DHX8: variants seen among roughly 807,000 people sequenced by gnomAD.
DHX8 encodes the protein DEAH-box helicase 8.
DHX8 carries 67 observed loss-of-function variants against 140.7 expected under a neutral mutation model. That is an observed-to-expected ratio of 0.48 (90% CI 0.39 to 0.58). The LOEUF is 0.58. Ranked by LOEUF, DHX8 falls within the 20% of genes least tolerant of loss-of-function variation. The pLI, the probability that DHX8 is intolerant of heterozygous loss-of-function variation, is 0.00. For synonymous variants in DHX8, 533 were observed against 553.2 expected (o/e 0.96, Z 0.51); for missense variants, 887 against 1,550.7 (o/e 0.57, Z 7.19).
intron 16 of DHX8, among the ~76,000 whole-genome samples, chr17:43,509,154 T>C (rs1023175859): frequency 3.3e-5 from 5 of 152,190 alleles, no homozygotes; most frequent in African/African-American, 9.7e-5. Flanking sequence ...CAGCATTTAG[T>C]GTGAAAATGC....
intron 17 of DHX8, among the ~76,000 whole-genome samples, chr17:43,514,623 T>A (rs918632875): frequency 2.6e-5 from 4 of 152,220 alleles, no homozygotes; most frequent in Non-Finnish European, 5.9e-5. Flanking sequence ...AACTTAAATG[T>A]TCATCTCTTT....
rs766538990 is a variant in DHX8, at chr17:43,508,466, TC to T, written c.2451del (p.Ser818ValfsTer19). The T allele has an allele frequency of 1.4e-5, 23 of 1,613,738 alleles. No individual in the cohort carries two copies. The highest frequency in any genetic ancestry group is 1.9e-5 in the Non-Finnish European group (23 of 1,179,836). On this transcript the variant is annotated frameshift_variant, in exon 16 of 23. Coordinates refer to ENST00000262415, the MANE Select transcript of DHX8 (RefSeq NM_004941.3). LOFTEE classifies it high-confidence loss of function. ...LIILPVYSALPSEMQTRIFDP... is the reference protein window; with the variant it reads ...LIILPVYSALXSEMQTRIFDP... Reference sequence around the variant, plus strand: ...TTATCCTCCCAGTGTACTCTGCTCTTCCCAGTGAGATGCAGACCCGAATCTT... The same window carrying T: ...TTATCCTCCCAGTGTACTCTGCTCTTCCAGTGAGATGCAGACCCGAATCTT...
chr17:43,529,572 G>A (rs1009668412), downstream of DHX8: 5 of 1,613,930 alleles, frequency 3.1e-6, no homozygotes, highest in African/African-American at 5.3e-5. Flanking sequence ...GCATTTGTTG[G>A]GTCATCCAGC....
At chr17:43,528,753 G>T, downstream of DHX8, 1 of 1,612,282 alleles carries the variant, frequency 6.2e-7, no homozygotes, top group South Asian at 1.1e-5. Context: ...CCTATGGGGA[G>T]AGAGAAGGTC....
chr17:43,529,659 C>A (rs995734282), downstream of DHX8: 1 of 1,612,668 alleles, frequency 6.2e-7, no homozygotes, highest in African/African-American at 1.3e-5. Context: ...GCACCGACCC[C>A]TTCCTGCTTG....
rs1334963814 is a variant in DHX8, at chr17:43,498,140, G to GT, written c.1301-706dup. Among the ~76,000 whole-genome samples the GT allele has an allele frequency of 9.8e-3, 1,391 of 142,630 alleles. 15 individuals carry two copies. Among genetic ancestry groups the GT allele is most frequent in the African/African-American group, 0.026 (1,024 of 38,808 alleles). The allele number at this position is 142,630 out of a possible 152,430, so 93.6% of individuals were successfully genotyped here. ...TTGCTGTCCTTTGACCTGGGAAGGT[G>GT]TTTTTTTTTTTTTTTTAATTTGAGA... On this transcript the variant is annotated intron_variant, in intron 9 of 22. Transcript: ENST00000262415.
Position 43,524,046 on chromosome 17 carries a change from T to C in DHX8, c.*199T>C, listed in dbSNP as rs369651005. The C allele has an allele frequency of 8.5e-6, 12 of 1,419,252 alleles. No individual in the cohort carries two copies. The African/African-American group carries it at 1.6e-4, about 19-fold the overall frequency. 87.9% of individuals were successfully genotyped at this position (1,419,252 alleles called of 1,614,324 possible). Reference sequence around the variant, plus strand: ...CTGGCTTTGGCAAGAGCCTGCAGCCTCCATCACCCCAAGTCCTTGGGCCCA... The same window carrying C: ...CTGGCTTTGGCAAGAGCCTGCAGCCCCCATCACCCCAAGTCCTTGGGCCCA... On this transcript the variant is annotated 3_prime_UTR_variant, in exon 23 of 23. Coordinates refer to ENST00000262415, the MANE Select transcript of DHX8 (RefSeq NM_004941.3).
intron 16 of DHX8, among the ~76,000 whole-genome samples, chr17:43,509,859 G>A (rs1969718788): frequency 6.6e-6 from 1 of 151,890 alleles, no homozygotes; most frequent in South Asian, 2.1e-4. Flanking sequence ...AGTAGAGATG[G>A]GGTTTCCCCA....
chr17:43,502,946 G>A (rs528140463), intron 11 of DHX8, among the ~76,000 whole-genome samples: 1 of 152,192 alleles, frequency 6.6e-6, no homozygotes, highest in Admixed American at 6.5e-5. Flanking sequence ...GTAGGCATAA[G>A]TATTTTTTCG....
intron 8 of DHX8, among the ~76,000 whole-genome samples, chr17:43,494,352 G>C (rs1057190109): frequency 1.3e-5 from 2 of 152,148 alleles, no homozygotes; most frequent in South Asian, 2.1e-4. Context: ...GTAATCCTTA[G>C]CTAAGCTACT....
At chr17:43,529,362 G>A (rs1970764202), downstream of DHX8, 3 of 1,391,024 alleles carry the variant, frequency 2.2e-6, no homozygotes, top group African/African-American at 1.4e-5. Context: ...CAAAGCATCA[G>A]CCCACAGACT....
At position 43,525,115 on chromosome 17, in the gene DHX8, C is replaced by A; in HGVS notation, c.*1268C>A. The A allele has an allele frequency of 6.1e-6, 6 of 985,368 alleles. No individual in the cohort carries two copies. The highest frequency in any genetic ancestry group is 7.2e-6 in the Non-Finnish European group (6 of 829,938). 61.0% of individuals were successfully genotyped at this position (985,368 alleles called of 1,614,324 possible). On this transcript the variant is annotated 3_prime_UTR_variant, in exon 23 of 23. Transcript: ENST00000262415. ...TGCACTGAGGAGGCTCCTTACCTGG[C>A]GGAACATCAGGCAGGTCTTGCCAGG...
chr17:43,489,498 T>G lies in DHX8; in HGVS notation c.198T>G (p.Phe66Leu). The G allele has an allele frequency of 1.2e-6, 2 of 1,613,386 alleles. No homozygotes were observed. The highest frequency in any genetic ancestry group is 1.7e-6 in the Non-Finnish European group (2 of 1,179,358). ...AGAAAAATACCACCTTTGATACTTT[T>G]AAGGCTTCTCTCGTCAAAAATGGTG... ...LAEKNTTFDT[F>L]KASLVKNGAE... The change falls in exon 2 of 23, where the codon TTT (phenylalanine) becomes TTG (leucine). Residue 66 changes from phenylalanine to leucine, a missense_variant. Around this residue, in one of 9 missense-constraint regions of DHX8, gnomAD observed 304 missense variants for 306.9 expected, o/e 0.99. Transcript: ENST00000262415.
intron 11 of DHX8, among the ~76,000 whole-genome samples, chr17:43,502,249 T>G (rs531029136): frequency 2.1e-4 from 32 of 152,284 alleles, no homozygotes; most frequent in Non-Finnish European, 3.7e-4. Flanking sequence ...CTGCATGTAA[T>G]AGAGATTCAA....
In DHX8 at chr17:43,489,543, A is replaced by C. The variant is rs374261512; in HGVS notation, c.234+9A>C. The C allele has an allele frequency of 5.9e-6, 9 of 1,527,846 alleles. No individual in the cohort carries two copies. The East Asian group carries it at 2.0e-4, about 34-fold the overall frequency. The allele number at this position is 1,527,846 out of a possible 1,614,324, so 94.6% of individuals were successfully genotyped here. A position where few individuals can be genotyped will look rare whatever the true frequency, so the allele number is the denominator to read the frequency against. On this transcript the variant is annotated intron_variant, in intron 2 of 22. Coordinates refer to ENST00000262415, the MANE Select transcript of DHX8 (RefSeq NM_004941.3). Reference sequence around the variant, plus strand: ...ATGGTGCAGAATTTACGGTATGTATATGTGGAGAAGATAATCTGTAGATAT... The same window carrying C: ...ATGGTGCAGAATTTACGGTATGTATCTGTGGAGAAGATAATCTGTAGATAT...
chr17:43,486,122 C>T (rs1314370906), intron 1 of DHX8, among the ~76,000 whole-genome samples: 2 of 149,904 alleles, frequency 1.3e-5, no homozygotes, highest in Non-Finnish European at 2.9e-5. Context: ...ACTCAGGAGA[C>T]GGAGGTTTCA....
intron 1 of DHX8, among the ~76,000 whole-genome samples, chr17:43,485,917 C>T (rs1968114519): frequency 6.6e-6 from 1 of 152,186 alleles, no homozygotes; most frequent in Non-Finnish European, 1.5e-5. Flanking sequence ...CTAACATTGG[C>T]TGGGTTTGGT....
At chr17:43,493,364 T>A in intron 6 of DHX8, 81 bp from the exon 7 acceptor site, 1 of 1,543,170 alleles carries the variant, frequency 6.5e-7, no homozygotes, top group Non-Finnish European at 8.8e-7. Flanking sequence ...CATTTTCTTT[T>A]GTTAGTTCCA....
chr17:43,541,288 G>A (rs1971507650), intron 3 of DHX8, among the ~76,000 whole-genome samples: 1 of 152,220 alleles, frequency 6.6e-6, no homozygotes, highest in African/African-American at 2.4e-5. Flanking sequence ...GAGAGCAGGA[G>A]AATTTTTAAT....
Sources: allele counts gnomAD v4.1 joint callset (sites outside exome capture counted in the v4.1 genomes callset), GRCh38; gene constraint gnomAD v4.1.1; regional missense constraint gnomAD v4.1.1; transcripts MANE v1.5; gene names NCBI Gene and HGNC (gene_info 2026-07-23, HGNC 2026-07-21).